The following LOXL2 variants were observed in gnomAD, a reference collection of about 807,000 sequenced individuals.
LOXL2 encodes the protein lysyl oxidase homolog 2.
Under a neutral mutation model 93.0 loss-of-function variants are expected in LOXL2, and 70 were observed. That is an observed-to-expected ratio of 0.75 (90% CI 0.62 to 0.92). LOXL2 has a LOEUF of 0.92. Among genes scored for constraint, LOXL2 ranks in the 40% least tolerant of loss-of-function variants. The pLI, the probability that LOXL2 is intolerant of heterozygous loss-of-function variation, is 0.00. For missense variants in LOXL2, 973 were observed against 1,054.9 expected, an observed-to-expected ratio of 0.92 and a Z score of 1.08; for synonymous variants, 438 against 413.2, an observed-to-expected ratio of 1.06 and a Z score of -0.73.
At chr8:23,389,460 C>G (rs1487358744) in intron 1 of LOXL2, among the ~76,000 whole-genome samples, 3 of 152,136 alleles carry the variant, frequency 2.0e-5, no homozygotes, top group Non-Finnish European at 4.4e-5. Flanking sequence ...CTAGTTCATT[C>G]TTAAACACAG....
intron 9 of LOXL2, among the ~76,000 whole-genome samples, chr8:23,311,496 C>T (rs903342981): frequency 3.3e-5 from 5 of 152,216 alleles, no homozygotes; most frequent in African/African-American, 1.2e-4. Flanking sequence ...CTCTGAATAC[C>T]TCTGAGCTGA....
chr8:23,303,323 T>A lies in LOXL2; in HGVS notation c.1955A>T (p.His652Leu). 3 of 1,613,778 alleles carry A rather than the reference T, an allele frequency of 1.9e-6. No homozygotes were observed. The highest frequency in any genetic ancestry group is 2.5e-6 in the Non-Finnish European group (3 of 1,179,892). ...NLNGTKVAEG[H>L]KASFCLEDTE... ...GTCCTCCAAGCAGAAGCTGGCCTTG[T>A]GGCCCTCTGCCACCTTGGTGCCATT... is the stretch of plus-strand genomic sequence containing the variant. The change falls in exon 11 of 14, where the codon CAC becomes CTC. Residue 652 changes from histidine (H) to leucine (L), a missense_variant. Transcript: ENST00000389131.
intron 8 of LOXL2, among the ~76,000 whole-genome samples, chr8:23,319,581 C>T (rs1803460127): frequency 6.6e-6 from 1 of 152,136 alleles, no homozygotes; most frequent in Non-Finnish European, 1.5e-5. Context: ...CCCCCAGGAT[C>T]AGTCTTGAGC....
rs1804264438 is a variant in LOXL2, at chr8:23,360,112, T to C, written c.509A>G (p.Asn170Ser). ...TGCCTCTATCTGGTTGATCAACGAA[T>C]TGTCAAATTTGAACCCAGGAATCCT... is the stretch of plus-strand genomic sequence containing the variant. ...DKRIPGFKFD[N>S]SLINQIENLN... Residue 170 changes from asparagine (N) to serine (S), a missense_variant, in exon 3 of 14, where the codon AAT (asparagine) becomes AGT (serine). Physicochemically the swap from Asn to Ser is conservative, Grantham distance 46. Transcript: ENST00000389131. The C allele has an allele frequency of 2.5e-6, 4 of 1,605,284 alleles. No individual in the cohort carries two copies. Among genetic ancestry groups the C allele is most frequent in the Non-Finnish European group, 3.4e-6 (4 of 1,172,338 alleles).
chr8:23,343,215 T>C (rs904191556), intron 3 of LOXL2, among the ~76,000 whole-genome samples: 1 of 152,198 alleles, frequency 6.6e-6, no homozygotes, highest in African/African-American at 2.4e-5. Flanking sequence ...ACACCATGAA[T>C]TGCAGTATAT....
intron 1 of LOXL2, among the ~76,000 whole-genome samples, chr8:23,382,907 G>A (rs1483013741): frequency 2.0e-5 from 3 of 152,048 alleles, no homozygotes; most frequent in East Asian, 1.9e-4. Flanking sequence ...GACTGTACCC[G>A]ATTAGCATGG....
intron 1 of LOXL2, chr8:23,385,647 T>C (rs1241992709): frequency 4.8e-6 from 2 of 417,672 alleles, no homozygotes; most frequent in East Asian, 8.8e-5. Context: ...TCAATCAGCA[T>C]GTGAGAAGTG....
At chr8:23,318,238 T>C in intron 8 of LOXL2, among the ~76,000 whole-genome samples, 1 of 151,080 alleles carries the variant, frequency 6.6e-6, no homozygotes. Context: ...GACCACAGAC[T>C]GACTTCAGAC....
chr8:23,300,080 AAC>A (rs1310234318), intron 12 of LOXL2, among the ~76,000 whole-genome samples: 2 of 152,224 alleles, frequency 1.3e-5, no homozygotes, highest in African/African-American at 2.4e-5. Context: ...GCATGGGGCA[AAC>A]ACAGCTCCAC....
chr8:23,320,189 T>G (rs1803471943), intron 7 of LOXL2, 137 bp from the exon 8 acceptor site: 2 of 914,282 alleles, frequency 2.2e-6, no homozygotes, highest in Non-Finnish European at 3.3e-6. Context: ...GCAGCACCCT[T>G]GGGAGCCCCC....
intron 11 of LOXL2, among the ~76,000 whole-genome samples, chr8:23,302,501 C>T (rs1203774558): frequency 6.6e-6 from 1 of 151,880 alleles, no homozygotes; most frequent in South Asian, 2.1e-4. Flanking sequence ...TTTAGCAAAA[C>T]GTGGGGGGTC....
chr8:23,332,883 TACAC>T (rs571627236), intron 5 of LOXL2, among the ~76,000 whole-genome samples: 161 of 124,952 alleles, frequency 1.3e-3, no homozygotes, highest in African/African-American at 4.6e-3. Flanking sequence ...CACAGACTCA[TACAC>T]ACACCCCCAT....
rs1217129761 is a variant in LOXL2 at position 23,305,951 on chromosome 8, A to G, written c.1881-2554T>C. ...CTCAGCCTCCCGAGTAGCTGGGACTACAGAGCACGCCACCATGCCTGGCAA... is the reference window on the plus strand; with the variant it reads ...CTCAGCCTCCCGAGTAGCTGGGACTGCAGAGCACGCCACCATGCCTGGCAA... On this transcript the variant is annotated intron_variant, in intron 10 of 13. Coordinates refer to ENST00000389131, the MANE Select transcript of LOXL2 (RefSeq NM_002318.3). Among the ~76,000 whole-genome samples, 3 of 151,958 alleles carry G rather than the reference A, an allele frequency of 2.0e-5. No homozygotes were observed. The East Asian group carries it at 5.8e-4, about 29-fold the overall frequency.
chr8:23,341,537 C>T (rs1293745141), intron 3 of LOXL2: 10 of 403,894 alleles, frequency 2.5e-5, no homozygotes, highest in African/African-American at 1.8e-4. Context: ...TCCTCCTGCA[C>T]AGGCCTCGAA....
At chr8:23,371,548 C>G (rs1160170903) in intron 1 of LOXL2, among the ~76,000 whole-genome samples, 3 of 151,680 alleles carry the variant, frequency 2.0e-5, no homozygotes, top group East Asian at 3.9e-4. Flanking sequence ...GTCAGGAGAT[C>G]AAGCCCATCC....
chr8:23,300,006 G>A (rs1253556158), intron 12 of LOXL2, among the ~76,000 whole-genome samples: 2 of 151,434 alleles, frequency 1.3e-5, no homozygotes, highest in African/African-American at 2.4e-5. Context: ...GCTCCGGGGC[G>A]GCTTGAGTTT....
chr8:23,375,806 TG>T (rs1191169633), intron 1 of LOXL2, among the ~76,000 whole-genome samples: 1 of 152,252 alleles, frequency 6.6e-6, no homozygotes, highest in Non-Finnish European at 1.5e-5. Context: ...GAGACTTTGC[TG>T]AAGTTGCTTA....
chr8:23,385,337 C>G (rs1804743421), intron 1 of LOXL2, among the ~76,000 whole-genome samples: 1 of 148,728 alleles, frequency 6.7e-6, no homozygotes, highest in Non-Finnish European at 1.5e-5. Flanking sequence ...ACCTCTGCGT[C>G]CCAGGTTCAA....
At chr8:23,367,274 C>T (rs993304754) in intron 2 of LOXL2, among the ~76,000 whole-genome samples, 3 of 152,246 alleles carry the variant, frequency 2.0e-5, no homozygotes, top group Non-Finnish European at 4.4e-5. Flanking sequence ...GTCTCGAACT[C>T]CTGACCTCAA....
Sources: allele counts gnomAD v4.1 joint callset (sites outside exome capture counted in the v4.1 genomes callset), GRCh38; gene constraint gnomAD v4.1.1; transcripts MANE v1.5; gene names NCBI Gene and HGNC (gene_info 2026-07-23, HGNC 2026-07-21).